The following LZTS2 variants were observed in gnomAD, a reference collection of about 807,000 sequenced individuals.
LZTS2 encodes leucine zipper tumor suppressor 2.
Under a neutral mutation model 60.6 loss-of-function variants are expected in LZTS2, and 32 were observed. That is an observed-to-expected ratio of 0.53 (90% CI 0.40 to 0.71). The LOEUF (loss-of-function observed/expected upper bound fraction) is 0.71. Ranked by LOEUF, LZTS2 falls within the 30% of genes least tolerant of loss-of-function variation. The pLI is 0.00. For synonymous variants in LZTS2, 360 were observed against 393.1 expected (o/e 0.92, Z 1.00); for missense variants, 792 against 901.9 (o/e 0.88, Z 1.56).
chr10:101,005,796 C>A, intron 3 of LZTS2, 81 bp downstream of exon 4: 1 of 1,423,912 alleles, frequency 7.0e-7, no homozygotes, highest in Non-Finnish European at 9.2e-7. Context: ...CACCCTCCCT[C>A]AGCCTGCCAC....
chr10:101,005,754 A>T, intron 3 of LZTS2, 39 bp downstream of exon 4: 1 of 1,254,400 alleles, frequency 8.0e-7, no homozygotes, highest in Non-Finnish European at 1.1e-6. Flanking sequence ...AGGGTCACAC[A>T]GGGAGAAACC....
At chr10:101,005,865 T>A in intron 3 of LZTS2, 150 bp downstream of exon 4, 1 of 1,139,124 alleles carries the variant, frequency 8.8e-7, no homozygotes, top group Non-Finnish European at 1.2e-6. Context: ...TGTCCCTTTC[T>A]GGGAGGGGGG....
upstream of LZTS2, among the ~76,000 whole-genome samples, chr10:100,997,855 C>T (rs543062611): frequency 4.6e-5 from 7 of 152,294 alleles, no homozygotes; most frequent in Admixed American, 1.3e-4. Flanking sequence ...AGCACAGCGC[C>T]CCCTGGAGCC....
At chr10:100,997,247 G>T (rs1851935063), upstream of LZTS2, 1 of 152,310 alleles carries the variant, frequency 6.6e-6, no homozygotes, top group South Asian at 2.1e-4. Context: ...GAGTGGTGGG[G>T]CGGCGGAGGT....
chr10:101,005,488 C>G, exon 3 of LZTS2: 1 of 1,574,278 alleles, frequency 6.4e-7, no homozygotes, highest in Non-Finnish European at 8.6e-7. Context: ...GCACTGGCAG[C>G]GAGAGCGTGA....
At chr10:101,002,728 C>T (rs774473570) in exon 1 of LZTS2, 54 of 1,612,454 alleles carry the variant, frequency 3.3e-5, no homozygotes, top group Admixed American at 6.7e-5. Flanking sequence ...TGGCCTGCTA[C>T]GGGGTGGCTA....
At chr10:101,005,844 A>C in intron 3 of LZTS2, 129 bp downstream of exon 4, 1 of 1,255,488 alleles carries the variant, frequency 8.0e-7, no homozygotes, top group Non-Finnish European at 1.1e-6. Flanking sequence ...CCGTGAGATG[A>C]GGTTCCCCTC....
chr10:101,003,668 CTCCTCT>C, exon 2 of LZTS2: 2 of 1,611,452 alleles, frequency 1.2e-6, no homozygotes, highest in Non-Finnish European at 1.7e-6. Flanking sequence ...CCTCCTCCTC[CTCCTCT>C]TCCTCCTCCT....
exon 2 of LZTS2, chr10:101,003,648 G>A: frequency 1.9e-6 from 3 of 1,608,902 alleles, no homozygotes; most frequent in Non-Finnish European, 2.5e-6. Context: ...GCAGCTGTTT[G>A]GGGGCCCTGC....
exon 1 of LZTS2, chr10:101,000,527 G>C (rs1024533395): frequency 2.0e-5 from 3 of 152,442 alleles, no homozygotes; most frequent in African/African-American, 7.2e-5. Flanking sequence ...TGGCTCACTG[G>C]GTCCCGCTGG....
At chr10:101,001,310 T>C (rs773328608) in exon 1 of LZTS2, 5 of 152,276 alleles carry the variant, frequency 3.3e-5, no homozygotes, top group African/African-American at 4.8e-5. Flanking sequence ...TTCTAAGATA[T>C]ACACATGTGA....
upstream of LZTS2, among the ~76,000 whole-genome samples, chr10:100,998,183 C>T (rs1851953178): frequency 6.6e-6 from 1 of 152,312 alleles, no homozygotes; most frequent in African/African-American, 2.4e-5. Flanking sequence ...AGGACGAGCC[C>T]CTCCCCCCAG....
chr10:101,003,815 C>T, exon 2 of LZTS2: 1 of 1,613,514 alleles, frequency 6.2e-7, no homozygotes, highest in South Asian at 1.1e-5. Context: ...CCGAGCCAAC[C>T]ACCAGCTCCC....
At chr10:101,001,838 C>T (rs1852046272) in exon 1 of LZTS2, 1 of 152,248 alleles carries the variant, frequency 6.6e-6, no homozygotes, top group Non-Finnish European at 1.5e-5. Flanking sequence ...TGTGCAGAGG[C>T]TAGGAGTTGT....
At chr10:101,007,744 T>C in exon 4 of LZTS2, 1 of 734,294 alleles carries the variant, frequency 1.4e-6, no homozygotes, top group Non-Finnish European at 1.7e-6. Context: ...CCCAGGTTTA[T>C]GGCCTCGTTT....
At chr10:101,006,457 A>G in intron 3 of LZTS2, 28 bp from the exon 5 acceptor site, 1 of 1,590,092 alleles carries the variant, frequency 6.3e-7, no homozygotes, top group Admixed American at 1.7e-5. Context: ...CTGTCTCACC[A>G]TCCTTCCCCA....
In LZTS2 at chr10:101,003,490, A is replaced by G. The variant is rs1003895628; in HGVS notation, c.409-17A>G. The G allele has an allele frequency of 6.6e-7, 1 of 1,513,748 alleles. No homozygotes were observed. The highest frequency in any genetic ancestry group is 1.4e-5 in the African/African-American group (1 of 71,714). The allele number at this position is 1,513,748 out of a possible 1,614,324, so 93.8% of individuals were successfully genotyped here. A position where few individuals can be genotyped will look rare whatever the true frequency, so the allele number is the denominator to read the frequency against. On this transcript the variant is annotated splice_polypyrimidine_tract_variant and intron_variant, in intron 1 of 3. Transcript: ENST00000370220. ...TTGGGCAGCTCATCTCCAGTGTCAC[A>G]TGGCACCTCATTTCAGAACATGGAG... is the stretch of plus-strand genomic sequence containing the variant.
chr10:101,001,107 T>A (rs767431489), exon 1 of LZTS2: 2 of 152,298 alleles, frequency 1.3e-5, no homozygotes, highest in Non-Finnish European at 2.9e-5. Context: ...CATACCTGCG[T>A]GCCCACGTTC....
At chr10:101,002,944 A>G (rs1852077193) in exon 1 of LZTS2, 1 of 1,608,842 alleles carries the variant, frequency 6.2e-7, no homozygotes, top group Non-Finnish European at 8.5e-7. Context: ...AAAGCTGGAG[A>G]AGGTGAGGAC....
Sources: allele counts gnomAD v4.1 joint callset (sites outside exome capture counted in the v4.1 genomes callset), GRCh38; gene constraint gnomAD v4.1.1; transcripts MANE v1.5; gene names NCBI Gene and HGNC (gene_info 2026-07-23, HGNC 2026-07-21).